DSE: variants seen among roughly 807,000 people sequenced by gnomAD.
DSE encodes dermatan sulfate epimerase.
A neutral mutation model predicts 84.4 loss-of-function variants in DSE; 36 were observed. The ratio of observed to expected loss-of-function variants is 0.43; its 90% CI spans 0.33 to 0.56. The LOEUF (loss-of-function observed/expected upper bound fraction) is 0.56, where lower values mean the gene tolerates loss of function less well. DSE is among the 20% of genes least tolerant of loss of function. DSE has a pLI of 0.06. For synonymous variants in DSE, 410 were observed against 430.1 expected (o/e 0.95, Z 0.58); for missense variants, 862 against 1,169.6 (o/e 0.74, Z 3.84).
chr6:116,382,408 C>G (rs1282531796), intron 1 of DSE, among the ~76,000 whole-genome samples: 1 of 152,152 alleles, frequency 6.6e-6, no homozygotes, highest in Non-Finnish European at 1.5e-5. Flanking sequence ...GGGCCTACAC[C>G]ATTCCCCTAC....
chr6:116,259,116 C>T (rs530488826), intron 2 of DSE: 23 of 1,401,624 alleles, frequency 1.6e-5, no homozygotes, highest in South Asian at 2.4e-5. Flanking sequence ...ACTCAGTCAT[C>T]GTGAGAACAC....
chr6:116,348,947 G>C (rs1483375549), intron 2 of DSE, among the ~76,000 whole-genome samples: 4 of 151,906 alleles, frequency 2.6e-5, no homozygotes, highest in African/African-American at 9.7e-5. Context: ...GACACAGGGT[G>C]GGGAACATCA....
At chr6:116,415,676 T>C (rs79961486) in intron 2 of DSE, among the ~76,000 whole-genome samples, 1,685 of 152,030 alleles carry the variant, frequency 0.011, 43 homozygotes, top group African/African-American at 0.037. Flanking sequence ...TCAACTTTTC[T>C]CCCCAGCCCT....
intron 2 of DSE, among the ~76,000 whole-genome samples, chr6:116,342,281 G>T (rs199972104): frequency 9.7e-5 from 13 of 133,630 alleles, no homozygotes; most frequent in South Asian, 2.3e-4. Context: ...TATTGTTGCT[G>T]TTTTTTTTTT....
chr6:116,343,684 AG>A (rs1777764551), intron 2 of DSE, among the ~76,000 whole-genome samples: 1 of 152,246 alleles, frequency 6.6e-6, no homozygotes, highest in Non-Finnish European at 1.5e-5. Flanking sequence ...GGGAGAAACC[AG>A]AGCAGAAAAG....
intron 1 of DSE, among the ~76,000 whole-genome samples, chr6:116,395,160 G>A (rs986977544): frequency 5.3e-5 from 8 of 150,142 alleles, no homozygotes; most frequent in African/African-American, 7.4e-5. Context: ...GCGCGGTGGC[G>A]CACGCCTGTA....
chr6:116,377,961 T>C (rs1027095654), intron 1 of DSE, among the ~76,000 whole-genome samples: 1 of 152,196 alleles, frequency 6.6e-6, no homozygotes, highest in African/African-American at 2.4e-5. Context: ...TTTGATGATA[T>C]CATTCCAGGT....
chr6:116,431,281 AG>A lies in DSE; in HGVS notation c.910+90del. Reference sequence around the variant, plus strand: ...ATGAGCTAGACTAGGCAGAGAAATTAGGTCCTTAGAGTTTGTCATATTGAAA... The same window carrying A: ...ATGAGCTAGACTAGGCAGAGAAATTAGTCCTTAGAGTTTGTCATATTGAAA... On this transcript the variant is annotated intron_variant, in intron 4 of 5. Transcript: ENST00000644252. 1.1e-5 allele frequency: 17 copies of A among 1,495,994 alleles called. No homozygotes were observed. In the South Asian group the frequency reaches 2.1e-4, roughly 19 times the overall value. The allele number at this position is 1,495,994 out of a possible 1,614,324, so 92.7% of individuals were successfully genotyped here.
At chr6:116,355,357 T>A (rs1778517636) in intron 2 of DSE, among the ~76,000 whole-genome samples, 3 of 152,226 alleles carry the variant, frequency 2.0e-5, no homozygotes, top group Admixed American at 6.5e-5. Flanking sequence ...ACTTCAGGTA[T>A]GACCAGACTG....
chr6:116,373,057 TA>T (rs35753373), intron 1 of DSE, among the ~76,000 whole-genome samples: 54,378 of 145,360 alleles, frequency 0.37, 11,085 homozygotes, highest in East Asian at 0.91. Flanking sequence ...GAAGGGGAAT[TA>T]AAAAAAAAAA....
chr6:116,273,841 T>TG (rs1465736271), intron 2 of DSE, among the ~76,000 whole-genome samples: 23 of 151,054 alleles, frequency 1.5e-4, no homozygotes, highest in Admixed American at 7.2e-4. Flanking sequence ...TTTGTTTTTT[T>TG]TTTTTTTTGA....
chr6:116,399,730 G>T (rs1052050037), intron 2 of DSE, 64 bp downstream of exon 2: 1 of 1,487,036 alleles, frequency 6.7e-7, no homozygotes, highest in African/African-American at 1.4e-5. Flanking sequence ...AAATCCATAT[G>T]ACATCTCAGT....
chr6:116,376,615 G>A (rs946521444), intron 1 of DSE, among the ~76,000 whole-genome samples: 2 of 152,170 alleles, frequency 1.3e-5, no homozygotes, highest in African/African-American at 4.8e-5. Context: ...GTTTGCTTCA[G>A]CTCCCTTGGA....
At chr6:116,384,545 T>C (rs952548299) in intron 1 of DSE, among the ~76,000 whole-genome samples, 3 of 152,180 alleles carry the variant, frequency 2.0e-5, no homozygotes, top group Non-Finnish European at 2.9e-5. Flanking sequence ...CAGTAAACTC[T>C]GTGATAATCA....
chr6:116,301,614 G>A (rs1276789055), intron 2 of DSE, among the ~76,000 whole-genome samples: 6 of 152,126 alleles, frequency 3.9e-5, no homozygotes, highest in Non-Finnish European at 8.8e-5. Context: ...CTCAATGGCT[G>A]AGTAGTACTC....
intron 2 of DSE, among the ~76,000 whole-genome samples, chr6:116,327,094 T>C (rs200813782): frequency 6.6e-6 from 1 of 152,032 alleles, no homozygotes; most frequent in Admixed American, 6.6e-5. Context: ...AATTAAGGGG[T>C]CCAAAGATAC....
rs2115098085 is a variant in DSE at position 116,436,840 on chromosome 6, A to G, written c.2372A>G (p.Asp791Gly). Residue 791 changes from aspartate to glycine, a missense_variant, in exon 6 of 6, where the codon GAC (aspartate) becomes GGC (glycine). By Grantham distance (94) the Asp-to-Gly change is moderately conservative. Coordinates refer to ENST00000644252, the MANE Select transcript of DSE (RefSeq NM_013352.4). ...SDKRQTEEAI[D>G]RIFAISQQQQ... ...AAGAGACAGACTGAGGAGGCCATTGACAGGATTTTTGCCATATCACAGCAA... is the reference window on the plus strand; with the variant it reads ...AAGAGACAGACTGAGGAGGCCATTGGCAGGATTTTTGCCATATCACAGCAA... The G allele has an allele frequency of 4.3e-6, 7 of 1,614,158 alleles. No homozygotes were observed. The East Asian group carries it at 1.6e-4, about 36-fold the overall frequency.
intron 2 of DSE, among the ~76,000 whole-genome samples, chr6:116,411,626 G>C (rs973252418): frequency 6.6e-6 from 1 of 152,182 alleles, no homozygotes; most frequent in Non-Finnish European, 1.5e-5. Flanking sequence ...GGGAAATGAA[G>C]AGATAAGAAT....
chr6:116,279,895 A>G (rs1423526871), intron 2 of DSE: 2 of 1,607,610 alleles, frequency 1.2e-6, no homozygotes, highest in African/African-American at 2.7e-5. Flanking sequence ...ACTGGGAGCT[A>G]ACCGCCGCTC....
Sources: allele counts gnomAD v4.1 joint callset (sites outside exome capture counted in the v4.1 genomes callset), GRCh38; gene constraint gnomAD v4.1.1; transcripts MANE v1.5; gene names NCBI Gene and HGNC (gene_info 2026-07-23, HGNC 2026-07-21).